EPB41L3: variants seen among roughly 807,000 people sequenced by gnomAD.
The protein encoded by EPB41L3 is erythrocyte membrane protein band 4.1 like 3, also known as band 4.1-like protein 3.
Under a neutral mutation model 127.1 loss-of-function variants are expected in EPB41L3, and 57 were observed. The observed-to-expected ratio is 0.45, with a 90% CI of 0.36 to 0.56. The LOEUF (loss-of-function observed/expected upper bound fraction) is 0.56. Among genes scored for constraint, EPB41L3 ranks in the 20% least tolerant of loss-of-function variants. The pLI, the probability that EPB41L3 is intolerant of heterozygous loss-of-function variation, is 0.00. For synonymous variants in EPB41L3, 572 were observed against 549.5 expected, an observed-to-expected ratio of 1.04 and a Z score of -0.57; for missense variants, 1,273 against 1,372.2, an observed-to-expected ratio of 0.93 and a Z score of 1.14.
intron 3 of EPB41L3, among the ~76,000 whole-genome samples, chr18:5,572,031 C>T (rs924503325): frequency 2.6e-5 from 4 of 152,158 alleles, no homozygotes; most frequent in South Asian, 4.1e-4. Flanking sequence ...TTGTGCACTA[C>T]GTAAATAACC....
In EPB41L3 at chr18:5,398,058, A is replaced by G; in HGVS notation, c.2435T>C (p.Ile812Thr). 1 of 1,614,132 alleles carries G rather than the reference A, an allele frequency of 6.2e-7. No homozygotes were observed. Among genetic ancestry groups the G allele is most frequent in the South Asian group, 1.1e-5 (1 of 91,084 alleles). Residue 812 changes from isoleucine to threonine, a missense_variant, in exon 17 of 23, where the codon ATA becomes ACA. Physicochemically the swap from Ile to Thr is moderately conservative, Grantham distance 89. Transcript: ENST00000341928. ...LESARKPTEFIGGVTSTSQSW... is the reference protein window; with the variant it reads ...LESARKPTEFTGGVTSTSQSW... Reference sequence around the variant, plus strand: ...TTGAGAAGTAGAAGTAACCCCTCCTATGAATTCTGTTGGTTTTCGCGCAGA... The same window carrying G: ...TTGAGAAGTAGAAGTAACCCCTCCTGTGAATTCTGTTGGTTTTCGCGCAGA...
In EPB41L3 at chr18:5,436,406, T is replaced by TC. The variant is rs1244060149; in HGVS notation, c.605+1628_605+1629insG. Among the ~76,000 whole-genome samples, 35 of 118,740 alleles carry TC rather than the reference T, an allele frequency of 2.9e-4. No homozygotes were observed. The East Asian group carries it at 3.4e-3, about 11-fold the overall frequency. 77.9% of individuals were successfully genotyped at this position (118,740 alleles called of 152,430 possible). Reference sequence around the variant, plus strand: ...AACCATGCACTACATTTTCTTTCTTTTTTTTTTTTTTTTTTTTTTTGAGAC... The same window carrying TC: ...AACCATGCACTACATTTTCTTTCTTTCTTTTTTTTTTTTTTTTTTTTGAGAC... On this transcript the variant is annotated intron_variant, in intron 6 of 22. Coordinates refer to ENST00000341928, the MANE Select transcript of EPB41L3 (RefSeq NM_012307.5).
chr18:5,611,139 T>C (rs1463944104), intron 3 of EPB41L3, among the ~76,000 whole-genome samples: 2 of 152,226 alleles, frequency 1.3e-5, no homozygotes, highest in Non-Finnish European at 2.9e-5. Flanking sequence ...TTCCATCAAA[T>C]GCTACTGTCA....
At chr18:5,454,059 G>A (rs1182399245) in intron 3 of EPB41L3, among the ~76,000 whole-genome samples, 1 of 152,092 alleles carries the variant, frequency 6.6e-6, no homozygotes, top group Non-Finnish European at 1.5e-5. Context: ...AACTCTCTGG[G>A]CCACAGCTTG....
chr18:5,541,035 A>G (rs1320334924), intron 1 of EPB41L3, among the ~76,000 whole-genome samples: 26 of 146,466 alleles, frequency 1.8e-4, no homozygotes, highest in East Asian at 6.2e-4. Flanking sequence ...CAGTGAGCCG[A>G]GATCGCACCA....
In EPB41L3 at chr18:5,523,049, C is replaced by T. The variant is rs552924726; in HGVS notation, c.-12+20864G>A. On this transcript the variant is annotated intron_variant, in intron 1 of 22. Transcript: ENST00000341928. ...AATAATTCAAGGACCTAGTATCAAA[C>T]GCATCACAAGTTTAGCAAACAGGGA... Among the ~76,000 whole-genome samples the T allele has an allele frequency of 7.9e-5, 12 of 152,158 alleles. No homozygotes were observed. The East Asian group carries it at 1.5e-3, about 20-fold the overall frequency.
At chr18:5,447,054 G>C (rs1334518443) in intron 3 of EPB41L3, among the ~76,000 whole-genome samples, 1 of 152,218 alleles carries the variant, frequency 6.6e-6, no homozygotes, top group Non-Finnish European at 1.5e-5. Flanking sequence ...GTTCAAAGCA[G>C]TTGGATGAGA....
intron 3 of EPB41L3, among the ~76,000 whole-genome samples, chr18:5,588,413 A>G (rs1260371392): frequency 6.6e-6 from 1 of 152,102 alleles, no homozygotes; most frequent in Non-Finnish European, 1.5e-5. Context: ...GTTTTAATAC[A>G]CAAACTACAT....
At chr18:5,599,214 T>C (rs1288115322) in intron 3 of EPB41L3, among the ~76,000 whole-genome samples, 2 of 152,132 alleles carry the variant, frequency 1.3e-5, no homozygotes, top group African/African-American at 4.8e-5. Context: ...ATTAAATACA[T>C]CATGTATGCC....
chr18:5,581,599 A>C (rs1450440187), intron 3 of EPB41L3, among the ~76,000 whole-genome samples: 1 of 152,202 alleles, frequency 6.6e-6, no homozygotes, highest in African/African-American at 2.4e-5. Flanking sequence ...CAAGGGGAAA[A>C]GGTGAATGTG....
intron 2 of EPB41L3, among the ~76,000 whole-genome samples, chr18:5,479,293 T>A (rs565683410): frequency 6.6e-6 from 1 of 152,316 alleles, no homozygotes; most frequent in African/African-American, 2.4e-5. Flanking sequence ...CCACTGCCAC[T>A]AGTCTGCAAA....
intron 1 of EPB41L3, among the ~76,000 whole-genome samples, chr18:5,528,148 G>C (rs753697141): frequency 6.6e-6 from 1 of 152,080 alleles, no homozygotes; most frequent in African/African-American, 2.4e-5. Context: ...GAATGCAGGG[G>C]ATTTAGCAAT....
chr18:5,588,115 T>C (rs2094455814), intron 3 of EPB41L3, among the ~76,000 whole-genome samples: 1 of 152,110 alleles, frequency 6.6e-6, no homozygotes, highest in African/African-American at 2.4e-5. Flanking sequence ...ATTAAAATAA[T>C]AAATCTAACA....
At chr18:5,520,080 G>A (rs1164593466) in intron 1 of EPB41L3, among the ~76,000 whole-genome samples, 1 of 152,120 alleles carries the variant, frequency 6.6e-6, no homozygotes, top group East Asian at 1.9e-4. Context: ...TACAGTAATC[G>A]ACAACAATTT....
chr18:5,456,204 C>T lies in EPB41L3; in HGVS notation c.382-10960G>A, dbSNP rs115496595. The stretch of plus-strand genomic sequence containing the variant: ...TGTCACTTTTCAATTCTGTAAGACA[C>T]TGATAATCAAAAAACATGAGAATAA... On this transcript the variant is annotated intron_variant, in intron 3 of 22. Transcript: ENST00000341928. Among the ~76,000 whole-genome samples the T allele has an allele frequency of 4.6e-3, 704 of 152,166 alleles. 5 individuals are homozygous for T. Among genetic ancestry groups the T allele is most frequent in the African/African-American group, 0.016 (671 of 41,512 alleles).
intron 1 of EPB41L3, among the ~76,000 whole-genome samples, chr18:5,503,601 A>T (rs1158309031): frequency 6.6e-6 from 1 of 152,222 alleles, no homozygotes; most frequent in Non-Finnish European, 1.5e-5. Flanking sequence ...CACAAACTAA[A>T]GTTTGCCAAC....
chr18:5,629,244 G>C (rs2094959389), upstream of EPB41L3, among the ~76,000 whole-genome samples: 1 of 151,924 alleles, frequency 6.6e-6, no homozygotes, highest in Non-Finnish European at 1.5e-5. Flanking sequence ...TTGGTCGTGG[G>C]GGTACCGGGA....
chr18:5,540,348 G>A, intron 1 of EPB41L3: 1 of 985,268 alleles, frequency 1.0e-6, no homozygotes, highest in Non-Finnish European at 1.2e-6. Flanking sequence ...ACCTCGCAAT[G>A]CAGTTCAACT....
intron 3 of EPB41L3, among the ~76,000 whole-genome samples, chr18:5,602,742 C>A (rs1051065165): frequency 2.6e-5 from 4 of 152,182 alleles, no homozygotes; most frequent in Admixed American, 2.6e-4. Flanking sequence ...CACTGCACCT[C>A]ACCTCACCTC....
Sources: gnomAD v4.1 joint callset for allele counts (sites outside exome capture counted in the v4.1 genomes callset) on GRCh38, gnomAD v4.1.1 for gene constraint, MANE v1.5 for transcripts, NCBI Gene and HGNC (gene_info 2026-07-23, HGNC 2026-07-21) for gene names.